ERO1A: variants seen among roughly 807,000 people sequenced by gnomAD.
The protein encoded by ERO1A is ERO1-like protein alpha.
Under a neutral mutation model 76.9 loss-of-function variants are expected in ERO1A, and 49 were observed. The observed-to-expected ratio is 0.64, with a 90% CI of 0.51 to 0.81. The LOEUF is 0.81. Among genes scored for constraint, ERO1A ranks in the 30% least tolerant of loss-of-function variants. ERO1A has a pLI of 0.00. For synonymous variants in ERO1A, 174 were observed against 181.2 expected (o/e 0.96, Z 0.32); for missense variants, 448 against 542.1 (o/e 0.83, Z 1.72).
intron 3 of ERO1A, among the ~76,000 whole-genome samples, chr14:52,681,148 C>G (rs557809044): frequency 1.6e-4 from 25 of 152,044 alleles, no homozygotes; most frequent in African/African-American, 6.0e-4. Flanking sequence ...GTATATACCC[C>G]AAAAAACTAA....
intron 6 of ERO1A, among the ~76,000 whole-genome samples, chr14:52,669,558 T>G (rs1002623204): frequency 4.6e-5 from 7 of 152,160 alleles, no homozygotes; most frequent in African/African-American, 1.7e-4. Flanking sequence ...GAATGAACTT[T>G]CCAGATTTTA....
intron 15 of ERO1A, among the ~76,000 whole-genome samples, chr14:52,645,393 C>A (rs1427266611): frequency 6.7e-6 from 1 of 149,802 alleles, no homozygotes; most frequent in Non-Finnish European, 1.5e-5. Context: ...ACCTCTGCCT[C>A]CCGGGTTCAA....
chr14:52,671,317 G>A (rs1038941523), intron 6 of ERO1A, among the ~76,000 whole-genome samples: 1 of 152,094 alleles, frequency 6.6e-6, no homozygotes, highest in African/African-American at 2.4e-5. Flanking sequence ...TTGAGTCCCT[G>A]TCTTTAATTT....
chr14:52,693,589 A>G (rs909746491), intron 1 of ERO1A, among the ~76,000 whole-genome samples: 8 of 152,096 alleles, frequency 5.3e-5, no homozygotes, highest in African/African-American at 1.9e-4. Context: ...TCCTGGGCTC[A>G]CTCCATCCTG....
intron 6 of ERO1A, 135 bp downstream of exon 6, chr14:52,671,495 A>C: frequency 1.7e-6 from 1 of 577,936 alleles, no homozygotes; most frequent in Non-Finnish European, 3.0e-6. Flanking sequence ...CCTGGGCTCC[A>C]GTGATTCTCC....
At chr14:52,646,729 C>A in intron 13 of ERO1A, 1 of 292,106 alleles carries the variant, frequency 3.4e-6, no homozygotes, top group Non-Finnish European at 6.3e-6. Flanking sequence ...GGTAACTTGC[C>A]TAAATTCCCA....
chr14:52,695,360 T>A lies in ERO1A; in HGVS notation c.114+8A>T. On this transcript the variant is annotated splice_region_variant and intron_variant, in intron 1 of 15. Coordinates refer to ENST00000395686, the MANE Select transcript of ERO1A (RefSeq NM_014584.3). Reference sequence around the variant, plus strand: ...GGGACCCTCAGCACCAACGCGCACATCGCTCACCTGGCAGAAGCACCTCTG... The same window carrying A: ...GGGACCCTCAGCACCAACGCGCACAACGCTCACCTGGCAGAAGCACCTCTG... 4.2e-6 allele frequency: 6 copies of A among 1,441,448 alleles called. No individual in the cohort carries two copies. The highest frequency in any genetic ancestry group is 5.5e-6 in the Non-Finnish European group (6 of 1,085,036). The allele number at this position is 1,441,448 out of a possible 1,614,324, so 89.3% of individuals were successfully genotyped here.
intron 1 of ERO1A, among the ~76,000 whole-genome samples, chr14:52,689,233 C>T (rs1350087178): frequency 1.3e-5 from 2 of 152,204 alleles, no homozygotes; most frequent in African/African-American, 2.4e-5. Context: ...GGATTACAGG[C>T]ATGAGCCACT....
rs2039943028 is a variant in ERO1A at position 52,653,408 on chromosome 14, C to T, written c.809-93G>A. On this transcript the variant is annotated intron_variant, in intron 11 of 15. Transcript: ENST00000395686. ...TATTCATGCCTATAGAAGTTAATTTCATTTTGCATTTTAAGTTATATAATA... is the reference window on the plus strand; with the variant it reads ...TATTCATGCCTATAGAAGTTAATTTTATTTTGCATTTTAAGTTATATAATA... 4.8e-5 allele frequency: 47 copies of T among 980,062 alleles called. No homozygotes were observed. In the South Asian group the frequency reaches 1.2e-3, roughly 24 times the overall value. The allele number at this position is 980,062 out of a possible 1,614,324, so 60.7% of individuals were successfully genotyped here.
intron 4 of ERO1A, among the ~76,000 whole-genome samples, chr14:52,673,529 C>T (rs1258004731): frequency 6.6e-6 from 1 of 152,108 alleles, no homozygotes; most frequent in Non-Finnish European, 1.5e-5. Context: ...TATTAAAAAC[C>T]AATCAATACT....
chr14:52,682,138 A>C (rs2041015912), intron 3 of ERO1A, among the ~76,000 whole-genome samples, 187 bp downstream of exon 3: 1 of 152,316 alleles, frequency 6.6e-6, no homozygotes, highest in Middle Eastern at 3.4e-3. Flanking sequence ...TCACACCTGT[A>C]ATCCCAGCAC....
At chr14:52,670,295 A>G (rs979915953) in intron 6 of ERO1A, among the ~76,000 whole-genome samples, 2 of 152,260 alleles carry the variant, frequency 1.3e-5, no homozygotes, top group South Asian at 4.1e-4. Context: ...TAGTGAATTA[A>G]GAGGCTAACA....
chr14:52,673,498 T>A (rs1013059585), intron 4 of ERO1A, among the ~76,000 whole-genome samples: 2 of 152,204 alleles, frequency 1.3e-5, no homozygotes, highest in Non-Finnish European at 2.9e-5. Context: ...CAAATTGCAA[T>A]AAAAACTTAG....
At chr14:52,688,602 G>C (rs761727124) in intron 1 of ERO1A, among the ~76,000 whole-genome samples, 1 of 152,100 alleles carries the variant, frequency 6.6e-6, no homozygotes, top group Non-Finnish European at 1.5e-5. Flanking sequence ...GCAGCACATG[G>C]CATTTTCATA....
chr14:52,645,428 G>C (rs183681990), intron 15 of ERO1A, among the ~76,000 whole-genome samples: 1 of 150,190 alleles, frequency 6.7e-6, no homozygotes, highest in Non-Finnish European at 1.5e-5. Flanking sequence ...TCAGCCTCCT[G>C]AGTAGCTGGG....
chr14:52,687,542 A>G (rs1234626841), intron 1 of ERO1A, among the ~76,000 whole-genome samples: 1 of 152,238 alleles, frequency 6.6e-6, no homozygotes, highest in Non-Finnish European at 1.5e-5. Context: ...AACTAAGACC[A>G]AAGACAGGTG....
At chr14:52,685,836 C>T (rs2041159256) in intron 1 of ERO1A, among the ~76,000 whole-genome samples, 1 of 152,204 alleles carries the variant, frequency 6.6e-6, no homozygotes, top group Admixed American at 6.5e-5. Context: ...TATTACTGTA[C>T]CTCACAGCAG....
chr14:52,661,811 G>A (rs1388342699), intron 8 of ERO1A, among the ~76,000 whole-genome samples: 1 of 151,594 alleles, frequency 6.6e-6, no homozygotes, highest in Non-Finnish European at 1.5e-5. Context: ...AGTAATTTGT[G>A]TGCAGCTGCT....
intron 6 of ERO1A, among the ~76,000 whole-genome samples, chr14:52,670,791 C>T (rs2040572975): frequency 6.6e-6 from 1 of 152,160 alleles, no homozygotes; most frequent in Non-Finnish European, 1.5e-5. Flanking sequence ...CTACATAGAA[C>T]TGCAAAACTT....
Sources: gnomAD v4.1 joint callset for allele counts (sites outside exome capture counted in the v4.1 genomes callset) on GRCh38, gnomAD v4.1.1 for gene constraint, MANE v1.5 for transcripts, NCBI Gene and HGNC (gene_info 2026-07-23, HGNC 2026-07-21) for gene names.